The following OSBPL1A variants were observed in gnomAD, a reference collection of about 807,000 sequenced individuals.
OSBPL1A encodes the protein oxysterol binding protein like 1A, also known as oxysterol-binding protein-related protein 1.
Under a neutral mutation model 137.1 loss-of-function variants are expected in OSBPL1A, and 80 were observed. That is an observed-to-expected ratio of 0.58 (90% CI 0.49 to 0.70). The LOEUF is 0.70. OSBPL1A is among the 30% of genes least tolerant of loss of function. The pLI is 0.00. For missense variants in OSBPL1A, 970 were observed against 1,129.4 expected, an observed-to-expected ratio of 0.86 and a Z score of 2.02; for synonymous variants, 365 against 389.7, an observed-to-expected ratio of 0.94 and a Z score of 0.75.
intron 22 of OSBPL1A, 121 bp downstream of exon 22, chr18:24,172,255 A>T: frequency 2.6e-6 from 2 of 756,358 alleles, no homozygotes; most frequent in Non-Finnish European, 4.3e-6. Context: ...CATGATTCTT[A>T]AATTTTCATC....
At chr18:24,317,802 A>T (rs1225886293) in intron 9 of OSBPL1A, among the ~76,000 whole-genome samples, 1 of 152,230 alleles carries the variant, frequency 6.6e-6, no homozygotes, top group Non-Finnish European at 1.5e-5. Context: ...AGATTAAGGG[A>T]TTGCTTGCAA....
At chr18:24,341,374 G>T (rs2091270326) in intron 5 of OSBPL1A, among the ~76,000 whole-genome samples, 173 bp downstream of exon 5, 1 of 152,162 alleles carries the variant, frequency 6.6e-6, no homozygotes, top group African/African-American at 2.4e-5. Flanking sequence ...TTTAAGTGAA[G>T]AAACTATCAT....
At chr18:24,265,657 A>G (rs1381818658) in intron 15 of OSBPL1A, among the ~76,000 whole-genome samples, 1 of 152,148 alleles carries the variant, frequency 6.6e-6, no homozygotes, top group Non-Finnish European at 1.5e-5. Context: ...TCCTGAATGT[A>G]GCAAATAATT....
intron 15 of OSBPL1A, among the ~76,000 whole-genome samples, chr18:24,253,413 A>G (rs1200666538): frequency 6.6e-6 from 1 of 152,242 alleles, no homozygotes; most frequent in African/African-American, 2.4e-5. Context: ...TAAATCCAGC[A>G]GCAGGATATA....
chr18:24,179,775 A>G lies in OSBPL1A; in HGVS notation c.1873T>C (p.Phe625Leu). Residue 625 changes from phenylalanine to leucine, a missense_variant, in exon 20 of 28, where the codon TTC (phenylalanine) becomes CTC (leucine). Physicochemically the swap from Phe to Leu is conservative, Grantham distance 22. Coordinates refer to ENST00000319481, the MANE Select transcript of OSBPL1A (RefSeq NM_080597.4). ...TAAGTCTCTCCCAGCAGTGGGTTGAAAGGTTTTCCAGTCCGTTCCCACTGA... is the reference window on the plus strand; with the variant it reads ...TAAGTCTCTCCCAGCAGTGGGTTGAGAGGTTTTCCAGTCCGTTCCCACTGA... ...ASQWERTGKP[F>L]NPLLGETYEL... 6.2e-7 allele frequency: 1 copy of G among 1,614,222 alleles called. No homozygotes were observed. Among genetic ancestry groups the G allele is most frequent in the Non-Finnish European group, 8.5e-7 (1 of 1,180,040 alleles).
At chr18:24,395,414 T>C (rs1344118894) in intron 1 of OSBPL1A, among the ~76,000 whole-genome samples, 1 of 152,182 alleles carries the variant, frequency 6.6e-6, no homozygotes, top group Non-Finnish European at 1.5e-5. Context: ...CTGACACAGT[T>C]CCACTTAAAA....
intron 1 of OSBPL1A, among the ~76,000 whole-genome samples, chr18:24,383,586 T>C (rs1486648964): frequency 1.3e-5 from 2 of 152,136 alleles, no homozygotes; most frequent in Non-Finnish European, 2.9e-5. Flanking sequence ...TGAAACTCCA[T>C]CTCTACTAAA....
At chr18:24,334,375 A>G in intron 5 of OSBPL1A, 45 bp from the exon 6 acceptor site, 1 of 1,457,842 alleles carries the variant, frequency 6.9e-7, no homozygotes, top group East Asian at 2.3e-5. Context: ...TCAGGATCCA[A>G]TTACAAATTC....
intron 4 of OSBPL1A, among the ~76,000 whole-genome samples, chr18:24,345,381 A>C (rs767404319): frequency 2.6e-5 from 4 of 152,166 alleles, no homozygotes; most frequent in African/African-American, 7.2e-5. Context: ...GGGTCAAAAT[A>C]ATCAGGTGTT....
chr18:24,208,535 T>A (rs558274002), intron 17 of OSBPL1A, among the ~76,000 whole-genome samples: 2 of 152,342 alleles, frequency 1.3e-5, no homozygotes, highest in East Asian at 3.9e-4. Context: ...TTCTCTCCAT[T>A]TGAAAGGCTA....
At chr18:24,337,423 A>ACATAACATAACATAACATAACAT (rs1568036781) in intron 5 of OSBPL1A, among the ~76,000 whole-genome samples, 2 of 151,820 alleles carry the variant, frequency 1.3e-5, no homozygotes, top group Non-Finnish European at 2.9e-5. Flanking sequence ...ACATAACATA[A>ACATAACATAACATAACATAACAT]AGCCAGGCAT....
In OSBPL1A at chr18:24,271,730, A is replaced by T; in HGVS notation, c.1281+9112T>A. ...CTCCTCCTCCCCTCCAGTCGAGCCG[A>T]GGCGAGCCGATCCGGGAGGCGCGAC... is the stretch of plus-strand genomic sequence containing the variant. On this transcript the variant is annotated intron_variant, in intron 15 of 27. Coordinates refer to ENST00000319481, the MANE Select transcript of OSBPL1A (RefSeq NM_080597.4). The surrounding 1 kb of genome is among the most constrained non-coding windows in gnomAD (Gnocchi z 4.0). 2 of 985,204 alleles carry T rather than the reference A, an allele frequency of 2.0e-6. No homozygotes were observed. The highest frequency in any genetic ancestry group is 2.4e-6 in the Non-Finnish European group (2 of 829,860). The allele number at this position is 985,204 out of a possible 1,614,324, so 61.0% of individuals were successfully genotyped here.
intron 15 of OSBPL1A, among the ~76,000 whole-genome samples, chr18:24,251,522 C>T (rs1266384231): frequency 6.6e-6 from 1 of 152,230 alleles, no homozygotes; most frequent in Non-Finnish European, 1.5e-5. Flanking sequence ...AGTACCTCTG[C>T]AAATATGGAG....
chr18:24,163,174 G>T lies in OSBPL1A; in HGVS notation c.*5C>A, dbSNP rs751764896. ...ATTAGCCAAACACCCTGACTTGTAT[G>T]CATTTTAATAAATGTCAGGCAAATT... On this transcript the variant is annotated 3_prime_UTR_variant, in exon 28 of 28. Coordinates refer to ENST00000319481, the MANE Select transcript of OSBPL1A (RefSeq NM_080597.4). 3 of 1,588,626 alleles carry T rather than the reference G, an allele frequency of 1.9e-6. No individual in the cohort carries two copies. The highest frequency in any genetic ancestry group is 2.6e-6 in the Non-Finnish European group (3 of 1,157,794).
At chr18:24,351,689 G>A (rs1396323031) in intron 4 of OSBPL1A, among the ~76,000 whole-genome samples, 2 of 152,082 alleles carry the variant, frequency 1.3e-5, no homozygotes, top group Non-Finnish European at 2.9e-5. Flanking sequence ...ATAGGTGTGT[G>A]CCACCATGCG....
chr18:24,179,978 C>T, intron 19 of OSBPL1A, 143 bp from the exon 20 acceptor site: 1 of 653,796 alleles, frequency 1.5e-6, no homozygotes, highest in Non-Finnish European at 2.7e-6. Context: ...ATGGCTCTAG[C>T]AGTGGGACAT....
At chr18:24,192,703 G>C (rs2086920650) in intron 18 of OSBPL1A, among the ~76,000 whole-genome samples, 1 of 152,112 alleles carries the variant, frequency 6.6e-6, no homozygotes. Context: ...AGACACGGGG[G>C]GCCAAGATGA....
intron 15 of OSBPL1A, among the ~76,000 whole-genome samples, chr18:24,250,154 TTTTGTTTG>T (rs202046633): frequency 1.5e-4 from 7 of 45,532 alleles, no homozygotes; most frequent in African/African-American, 3.9e-4. Context: ...GTTTGTGTGT[TTTTGTTTG>T]TTTGTTTGTT....
chr18:24,272,244 T>C (rs2146059968), intron 15 of OSBPL1A: 1 of 982,356 alleles, frequency 1.0e-6, no homozygotes, highest in African/African-American at 1.8e-5. Context: ...AACTTTTTTT[T>C]TTTCTTTTTT....
Sources: gnomAD v4.1 joint callset for allele counts (sites outside exome capture counted in the v4.1 genomes callset) on GRCh38, gnomAD v4.1.1 for gene constraint, Gnocchi (gnomAD v3.1) non-coding constraint, MANE v1.5 for transcripts, NCBI Gene and HGNC (gene_info 2026-07-23, HGNC 2026-07-21) for gene names.